RBFOX3: variants seen among roughly 807,000 people sequenced by gnomAD.
The protein encoded by RBFOX3 is RNA binding protein fox-1 homolog 3.
A neutral mutation model predicts 48.7 loss-of-function variants in RBFOX3; 17 were observed. The observed-to-expected ratio is 0.35, with a 90% CI of 0.24 to 0.52. The LOEUF is 0.52. Ranked by LOEUF, RBFOX3 falls within the 20% of genes least tolerant of loss-of-function variation. RBFOX3 has a pLI of 0.94. For missense variants in RBFOX3, 382 were observed against 497.5 expected (o/e 0.77, Z 2.21); for synonymous variants, 212 against 209.5 (o/e 1.01, Z -0.10).
chr17:79,495,925 C>T (rs1197196709), intron 1 of RBFOX3, among the ~76,000 whole-genome samples: 1 of 151,894 alleles, frequency 6.6e-6, no homozygotes, highest in Non-Finnish European at 1.5e-5. Context: ...CTCGGCACAG[C>T]CTGAGCAGTG....
intron 4 of RBFOX3, among the ~76,000 whole-genome samples, chr17:79,130,590 T>C (rs1233238424): frequency 6.6e-6 from 1 of 152,202 alleles, no homozygotes; most frequent in African/African-American, 2.4e-5. Flanking sequence ...TCTCCCACAG[T>C]GGCGTGAGGG....
At chr17:79,656,871 GGGAA>G in the RBFOX3 span, among the ~76,000 whole-genome samples, 5 of 59,800 alleles carry the variant, frequency 8.4e-5, no homozygotes, top group East Asian at 1.3e-3. Context: ...GAGGGAGGGA[GGGAA>G]GGAAGGAAGG....
chr17:79,648,975 T>C, the RBFOX3 span, among the ~76,000 whole-genome samples: 1 of 117,600 alleles, frequency 8.5e-6, no homozygotes, highest in Non-Finnish European at 1.7e-5. Flanking sequence ...GAGTGAAAAA[T>C]GTCTTTTTTT....
chr17:79,145,060 C>T (rs914516123), intron 4 of RBFOX3, among the ~76,000 whole-genome samples: 4 of 152,152 alleles, frequency 2.6e-5, no homozygotes, highest in Admixed American at 6.5e-5. Flanking sequence ...AAGGTGGGGG[C>T]GGGACAGGGT....
At chr17:79,414,156 C>T (rs2064930362) in intron 2 of RBFOX3, among the ~76,000 whole-genome samples, 1 of 152,076 alleles carries the variant, frequency 6.6e-6, no homozygotes, top group South Asian at 2.1e-4. Flanking sequence ...CCTGGAGTCC[C>T]CTTCAGGGCC....
intron 9 of RBFOX3, among the ~76,000 whole-genome samples, chr17:79,101,154 C>G (rs1374836711): frequency 2.0e-5 from 3 of 152,176 alleles, no homozygotes; most frequent in Non-Finnish European, 1.5e-5. Flanking sequence ...ATCCAAGGCC[C>G]CCCGTGCCCT....
In RBFOX3 at chr17:79,452,449, C is replaced by G. The variant is rs535933152; in HGVS notation, c.-175+30005G>C. ...CACTGTCTTGGGACAGATGGATGCTCAGACATGGACGTGGTTTATGATTGT... is the reference window on the plus strand; with the variant it reads ...CACTGTCTTGGGACAGATGGATGCTGAGACATGGACGTGGTTTATGATTGT... On this transcript the variant is annotated intron_variant, in intron 2 of 14. Coordinates refer to ENST00000693108, the MANE Select transcript of RBFOX3 (RefSeq NM_001350451.2). 9.2e-5 allele frequency among the ~76,000 whole-genome samples: 14 copies of G among 152,324 alleles called. No individual in the cohort carries two copies. In the South Asian group the frequency reaches 2.3e-3, roughly 25 times the overall value.
chr17:79,368,336 C>A (rs1200798112), intron 2 of RBFOX3, among the ~76,000 whole-genome samples: 3 of 152,200 alleles, frequency 2.0e-5, no homozygotes, highest in Non-Finnish European at 4.4e-5. Flanking sequence ...TGTAGCCAGG[C>A]CACACCATCC....
intron 2 of RBFOX3, among the ~76,000 whole-genome samples, chr17:79,374,577 G>A (rs556946795): frequency 3.3e-5 from 5 of 152,370 alleles, no homozygotes; most frequent in Admixed American, 1.3e-4. Context: ...ATGAGAAAAT[G>A]CGAGAGCTGG....
At chr17:79,333,511 C>T (rs2080726719) in intron 2 of RBFOX3, among the ~76,000 whole-genome samples, 1 of 152,170 alleles carries the variant, frequency 6.6e-6, no homozygotes, top group African/African-American at 2.4e-5. Context: ...GAAATCATTG[C>T]TTCAGAGGCT....
intron 1 of RBFOX3, among the ~76,000 whole-genome samples, chr17:79,484,265 G>A (rs1187870397): frequency 6.6e-6 from 1 of 151,374 alleles, no homozygotes; most frequent in Non-Finnish European, 1.5e-5. Context: ...CCATACCGAA[G>A]AACCGAAGAG....
chr17:79,524,137 G>T (rs1365784917), intron 1 of RBFOX3, among the ~76,000 whole-genome samples: 2 of 152,144 alleles, frequency 1.3e-5, no homozygotes, highest in Non-Finnish European at 2.9e-5. Context: ...CCTGAGAGAG[G>T]ATTCCAGGAT....
intron 1 of RBFOX3, among the ~76,000 whole-genome samples, chr17:79,572,556 G>C (rs1261197645): frequency 6.6e-6 from 1 of 152,174 alleles, no homozygotes; most frequent in Non-Finnish European, 1.5e-5. Context: ...TCTCAACAGG[G>C]TGGGGGGAGG....
intron 2 of RBFOX3, among the ~76,000 whole-genome samples, chr17:79,463,296 A>C (rs1362831696): frequency 4.6e-4 from 12 of 26,288 alleles, no homozygotes; most frequent in Admixed American, 9.4e-4. Context: ...ATCACCACTG[A>C]CACATCCACC....
At chr17:79,437,181 C>T (rs1555731637) in intron 2 of RBFOX3, among the ~76,000 whole-genome samples, 1 of 152,156 alleles carries the variant, frequency 6.6e-6, no homozygotes, top group East Asian at 1.9e-4. Flanking sequence ...CTGAGGGTCT[C>T]ACCCCCCAGG....
rs371247832 is a variant in RBFOX3, at chr17:79,545,694, C to T, written c.-319-63096G>A. ...CGCTGTCCAACCCACCTCCTGTTAT[C>T]CAATTCCGCCTCCCAGCTGAGACTG... On this transcript the variant is annotated intron_variant, in intron 1 of 14. Coordinates refer to ENST00000693108, the MANE Select transcript of RBFOX3 (RefSeq NM_001350451.2). Among the ~76,000 whole-genome samples, 10 of 152,362 alleles carry T rather than the reference C, an allele frequency of 6.6e-5. No homozygotes were observed. In the East Asian group the frequency reaches 1.7e-3, roughly 26 times the overall value.
intron 1 of RBFOX3, among the ~76,000 whole-genome samples, chr17:79,587,830 C>T (rs956396760): frequency 2.0e-5 from 3 of 152,102 alleles, no homozygotes; most frequent in Admixed American, 6.6e-5. Context: ...CACGGGAGGA[C>T]GGAACATTTG....
At chr17:79,429,695 T>C (rs1266969958) in intron 2 of RBFOX3, among the ~76,000 whole-genome samples, 2 of 151,732 alleles carry the variant, frequency 1.3e-5, no homozygotes. Flanking sequence ...AACTAGGAGC[T>C]CCATTTTACA....
chr17:79,271,029 G>C (rs906945099), intron 3 of RBFOX3, among the ~76,000 whole-genome samples: 16 of 151,256 alleles, frequency 1.1e-4, no homozygotes, highest in African/African-American at 3.9e-4. Context: ...TAATTTTCAG[G>C]GCCCATTGCA....
Sources: gnomAD v4.1 joint callset for allele counts (sites outside exome capture counted in the v4.1 genomes callset) on GRCh38, gnomAD v4.1.1 for gene constraint, MANE v1.5 for transcripts, NCBI Gene and HGNC (gene_info 2026-07-23, HGNC 2026-07-21) for gene names.